The following MYO16 variants were observed in gnomAD, a reference collection of about 807,000 sequenced individuals.
MYO16 encodes unconventional myosin-XVI.
A neutral mutation model predicts 205.3 loss-of-function variants in MYO16; 94 were observed. The ratio of observed to expected loss-of-function variants is 0.46; its 90% CI spans 0.39 to 0.54. The LOEUF is 0.54. Ranked by LOEUF, MYO16 falls within the 20% of genes least tolerant of loss-of-function variation. The pLI is 0.00. For missense variants in MYO16, 2,315 were observed against 2,387.5 expected (o/e 0.97, Z 0.63); for synonymous variants, 988 against 954.0 (o/e 1.04, Z -0.66).
rs759890875 is a variant in MYO16 at position 109,127,322 on chromosome 13, T to A, written c.3823T>A (p.Ser1275Thr). Residue 1275 changes from serine (S) to threonine (T), a missense_variant, in exon 31 of 35, where the codon TCC (serine) becomes ACC (threonine). By Grantham distance (58) the Ser-to-Thr change is moderately conservative. Coordinates refer to ENST00000457511, the MANE Select transcript of MYO16 (RefSeq NM_001198950.3). This position sits in a 1 kb window ranked among gnomAD's most constrained non-coding sequence, Gnocchi z 4.2. ...KSGPRHFHPS[S>T]MSVCAAVDGL... ...TGGACCCAGGCATTTCCACCCCAGC[T>A]CCATGTCAGTCTGCGCGGCCGTGGA... 18 of 1,607,606 alleles carry A rather than the reference T, an allele frequency of 1.1e-5. 1 individual carries two copies. In the South Asian group the frequency reaches 2.0e-4, roughly 18 times the overall value.
chr13:108,566,937 A>G, the MYO16 span, among the ~76,000 whole-genome samples: 1 of 152,166 alleles, frequency 6.6e-6, no homozygotes, highest in Admixed American at 6.6e-5. Flanking sequence ...ACTAGGATAG[A>G]AGCATAATGA....
chr13:109,049,925 CCTGTGTGTGTGTGT>C (rs1594502422), intron 24 of MYO16, among the ~76,000 whole-genome samples: 1 of 113,334 alleles, frequency 8.8e-6, no homozygotes, highest in South Asian at 2.9e-4. Flanking sequence ...CTTCCTTTGT[CCTGTGTGTGTGTGT>C]GTGTGTGTGT....
intron 1 of MYO16, among the ~76,000 whole-genome samples, chr13:108,610,035 C>G (rs1176954873): frequency 1.3e-5 from 2 of 152,104 alleles, no homozygotes; most frequent in Non-Finnish European, 2.9e-5. Flanking sequence ...TAGGAACAAA[C>G]AGAATAAAGT....
In MYO16 at chr13:109,179,641, T is replaced by C. The variant is rs758852282; in HGVS notation, c.5415+8T>C. On this transcript the variant is annotated splice_region_variant and intron_variant, in intron 34 of 34. Transcript: ENST00000457511. ...GACAGTCACACCACTCAGGTAATGA[T>C]GTCTGTCTGTTCACATGTGCAGTGA... 1.9e-6 allele frequency: 3 copies of C among 1,603,002 alleles called. No homozygotes were observed. Among genetic ancestry groups the C allele is most frequent in the African/African-American group, 2.7e-5 (2 of 74,666 alleles).
intron 16 of MYO16, among the ~76,000 whole-genome samples, chr13:108,931,637 C>T (rs1319006382): frequency 6.6e-6 from 1 of 152,012 alleles, no homozygotes; most frequent in Non-Finnish European, 1.5e-5. Flanking sequence ...GATTTGGGAC[C>T]CTGACTTAAG....
the MYO16 span, among the ~76,000 whole-genome samples, chr13:108,572,248 T>C: frequency 2.6e-5 from 4 of 152,134 alleles, no homozygotes; most frequent in African/African-American, 9.7e-5. Context: ...TTTTACTACC[T>C]TTTTTCTTAA....
the MYO16 span, among the ~76,000 whole-genome samples, chr13:108,585,486 A>G: frequency 5.1e-4 from 77 of 152,242 alleles, no homozygotes; most frequent in Non-Finnish European, 1.0e-3. Context: ...CCTCAGAGAG[A>G]GCAGGTTGTA....
intron 22 of MYO16, among the ~76,000 whole-genome samples, chr13:109,012,296 C>T (rs1885628863): frequency 6.6e-6 from 1 of 152,132 alleles, no homozygotes; most frequent in East Asian, 1.9e-4. Context: ...AGGGGGTGAG[C>T]AGCAGGTGAG....
At chr13:109,199,114 G>C (rs149247728) in intron 34 of MYO16, among the ~76,000 whole-genome samples, 4 of 147,852 alleles carry the variant, frequency 2.7e-5, no homozygotes, top group African/African-American at 9.9e-5. Flanking sequence ...TCAGATCAAA[G>C]GTTAATTAAC....
At chr13:109,196,663 C>A (rs1035426157) in intron 34 of MYO16, among the ~76,000 whole-genome samples, 7 of 152,146 alleles carry the variant, frequency 4.6e-5, no homozygotes, top group African/African-American at 1.7e-4. Flanking sequence ...ATGAGAAATG[C>A]TGGCCCCACC....
intron 7 of MYO16, among the ~76,000 whole-genome samples, chr13:108,819,154 T>C (rs544871270): frequency 1.2e-4 from 19 of 152,280 alleles, no homozygotes; most frequent in African/African-American, 4.6e-4. Flanking sequence ...CCAAGAGATA[T>C]AAATGAGAAT....
At chr13:109,086,765 C>T (rs776690282) in intron 27 of MYO16, among the ~76,000 whole-genome samples, 4 of 152,076 alleles carry the variant, frequency 2.6e-5, no homozygotes, top group Non-Finnish European at 4.4e-5. Flanking sequence ...AATTACCCCT[C>T]ACTATTATCC....
rs892894021 is a variant in MYO16, at chr13:109,007,348, A to G, written c.2443-1549A>G. ...GCTTGCAGTGAGCCGAGATGGCGCC[A>G]CTGCACTCCAGCCTGGGCGACAGGG... On this transcript the variant is annotated intron_variant, in intron 21 of 34. Transcript: ENST00000457511. Among the ~76,000 whole-genome samples the G allele has an allele frequency of 1.2e-4, 18 of 152,026 alleles. No individual in the cohort carries two copies. The East Asian group carries it at 2.5e-3, about 21-fold the overall frequency.
At chr13:109,041,876 T>C (rs373214187) in intron 23 of MYO16, among the ~76,000 whole-genome samples, 3 of 118,252 alleles carry the variant, frequency 2.5e-5, no homozygotes, top group Non-Finnish European at 5.3e-5. Flanking sequence ...TTTTTTTTTT[T>C]CCGAGACTAG....
At chr13:108,883,830 G>T (rs111653945) in intron 13 of MYO16, among the ~76,000 whole-genome samples, 9 of 152,106 alleles carry the variant, frequency 5.9e-5, no homozygotes, top group African/African-American at 2.2e-4. Context: ...TCACTATATT[G>T]CCCAGGCTGG....
At chr13:108,701,637 T>C (rs1566558893) in intron 2 of MYO16, among the ~76,000 whole-genome samples, 1 of 152,210 alleles carries the variant, frequency 6.6e-6, no homozygotes, top group East Asian at 1.9e-4. Context: ...AAAAACATAG[T>C]TGTCAACAAA....
intron 8 of MYO16, 90 bp downstream of exon 8, chr13:108,820,502 A>C: frequency 2.0e-6 from 2 of 1,009,492 alleles, no homozygotes; most frequent in Non-Finnish European, 3.0e-6. Flanking sequence ...ACAGCTACAA[A>C]GTGAGAGCTG....
rs146687975 is a variant in MYO16, at chr13:108,685,584, G to T, written c.292+19435G>T. Among the ~76,000 whole-genome samples, 327 of 152,304 alleles carry T rather than the reference G, an allele frequency of 2.1e-3. 1 individual carries two copies. Among genetic ancestry groups the T allele is most frequent in the African/African-American group, 7.3e-3 (303 of 41,578 alleles). On this transcript the variant is annotated intron_variant, in intron 2 of 34. Transcript: ENST00000457511. ...CAGTTGTTTGTTCTTGTTATACAAG[G>T]AAGGTCCCAGATGAGGCTGGGAGGG... is the stretch of plus-strand genomic sequence containing the variant.
At chr13:108,819,170 T>C (rs1312026950) in intron 7 of MYO16, among the ~76,000 whole-genome samples, 1 of 152,194 alleles carries the variant, frequency 6.6e-6, no homozygotes, top group East Asian at 1.9e-4. Flanking sequence ...AGAATACTTA[T>C]GGGAACATTA....
Sources: gnomAD v4.1 joint callset for allele counts (sites outside exome capture counted in the v4.1 genomes callset) on GRCh38, gnomAD v4.1.1 for gene constraint, Gnocchi (gnomAD v3.1) non-coding constraint, MANE v1.5 for transcripts, NCBI Gene and HGNC (gene_info 2026-07-23, HGNC 2026-07-21) for gene names.